The following CPNE8 variants were observed in gnomAD, a reference collection of about 807,000 sequenced individuals.
CPNE8 encodes copine-8.
Under a neutral mutation model 81.5 loss-of-function variants are expected in CPNE8, and 45 were observed. The ratio of observed to expected loss-of-function variants is 0.55; its 90% CI spans 0.44 to 0.71. The LOEUF (loss-of-function observed/expected upper bound fraction) is 0.71, where lower values mean the gene tolerates loss of function less well. CPNE8 is among the 30% of genes least tolerant of loss of function. The pLI, the probability that CPNE8 is intolerant of heterozygous loss-of-function variation, is 0.00. For missense variants in CPNE8, 594 were observed against 672.1 expected (o/e 0.88, Z 1.28); for synonymous variants, 252 against 226.3 (o/e 1.11, Z -1.02).
chr12:38,778,104 T>G lies in CPNE8; in HGVS notation c.408-1803A>C, dbSNP rs1028537393. On this transcript the variant is annotated intron_variant, in intron 6 of 19. Coordinates refer to ENST00000331366, the MANE Select transcript of CPNE8 (RefSeq NM_153634.3). Reference sequence around the variant, plus strand: ...ACATGACATTGAGTTGTATAATTATTTCATTATAATATAATAATAATAGAA... The same window carrying G: ...ACATGACATTGAGTTGTATAATTATGTCATTATAATATAATAATAATAGAA... 3.9e-5 allele frequency among the ~76,000 whole-genome samples: 6 copies of G among 152,172 alleles called. No homozygotes were observed. In the South Asian group the frequency reaches 1.2e-3, roughly 32 times the overall value.
intron 7 of CPNE8, among the ~76,000 whole-genome samples, chr12:38,775,975 TAA>T (rs35911911): frequency 6.6e-6 from 1 of 152,194 alleles, no homozygotes; most frequent in Non-Finnish European, 1.5e-5. Flanking sequence ...TACTAATGCT[TAA>T]AAAGCAGTAT....
chr12:38,860,222 T>C (rs190684503), intron 3 of CPNE8, among the ~76,000 whole-genome samples: 3 of 149,690 alleles, frequency 2.0e-5, no homozygotes, highest in African/African-American at 7.3e-5. Context: ...TAACTGAATT[T>C]AAAAATAGGC....
intron 7 of CPNE8, among the ~76,000 whole-genome samples, chr12:38,773,460 A>G (rs1006495772): frequency 2.0e-5 from 3 of 152,090 alleles, no homozygotes; most frequent in Non-Finnish European, 4.4e-5. Flanking sequence ...AAATATGTCC[A>G]GTTATTTGTA....
At chr12:38,881,574 A>T (rs1001144409) in intron 1 of CPNE8, among the ~76,000 whole-genome samples, 1 of 152,248 alleles carries the variant, frequency 6.6e-6, no homozygotes, top group African/African-American at 2.4e-5. Context: ...AAGGCCAGTT[A>T]TAAAATTATA....
At chr12:38,659,643 G>C (rs1038220102) in intron 19 of CPNE8, among the ~76,000 whole-genome samples, 3 of 152,148 alleles carry the variant, frequency 2.0e-5, no homozygotes, top group Admixed American at 1.3e-4. Flanking sequence ...CCACAGAGTT[G>C]GAAGTAAAGC....
chr12:38,890,080 A>ATT (rs1944291535), intron 1 of CPNE8, among the ~76,000 whole-genome samples: 1 of 152,218 alleles, frequency 6.6e-6, no homozygotes, highest in South Asian at 2.1e-4. Context: ...AGCATTTTAT[A>ATT]TATGTGCTGG....
At chr12:38,704,203 C>A (rs1940027250) in intron 13 of CPNE8, among the ~76,000 whole-genome samples, 1 of 152,116 alleles carries the variant, frequency 6.6e-6, no homozygotes, top group East Asian at 1.9e-4. Context: ...ACCTCAGCAT[C>A]ACACAATATA....
chr12:38,710,368 G>A (rs898258388), intron 13 of CPNE8, among the ~76,000 whole-genome samples: 3 of 150,308 alleles, frequency 2.0e-5, no homozygotes, highest in African/African-American at 7.3e-5. Context: ...GGTAATGCCT[G>A]CCTAGTAGGA....
chr12:38,771,034 G>GT (rs550849826), intron 7 of CPNE8, among the ~76,000 whole-genome samples: 5 of 151,904 alleles, frequency 3.3e-5, no homozygotes, highest in Admixed American at 6.6e-5. Context: ...GTTTTGTACT[G>GT]TTTTTTTCTT....
intron 13 of CPNE8, among the ~76,000 whole-genome samples, chr12:38,707,530 C>A (rs897460876): frequency 1.8e-4 from 27 of 151,818 alleles, no homozygotes; most frequent in Non-Finnish European, 2.9e-4. Context: ...CTGTTGAAAC[C>A]CAGGACACTC....
At chr12:38,767,130 T>C (rs1941706983) in intron 8 of CPNE8, among the ~76,000 whole-genome samples, 1 of 152,114 alleles carries the variant, frequency 6.6e-6, no homozygotes, top group African/African-American at 2.4e-5. Flanking sequence ...TATTAAATTA[T>C]GGTCTATAAC....
chr12:38,727,375 T>C (rs1022338458), intron 11 of CPNE8, among the ~76,000 whole-genome samples: 1 of 152,174 alleles, frequency 6.6e-6, no homozygotes, highest in Admixed American at 6.5e-5. Context: ...GTGTTTCAGG[T>C]AATGAATATG....
At chr12:38,785,912 T>C (rs763112427) in intron 6 of CPNE8, among the ~76,000 whole-genome samples, 2 of 149,414 alleles carry the variant, frequency 1.3e-5, no homozygotes, top group Non-Finnish European at 3.0e-5. Context: ...ATACAAGAGA[T>C]ACAAAAAATA....
At chr12:38,905,617 A>G (rs894485409), upstream of CPNE8, 5 of 1,520,742 alleles carry the variant, frequency 3.3e-6, no homozygotes, top group African/African-American at 2.8e-5. Context: ...TCAGGCGGGG[A>G]TGGGGGTTGA....
rs923550629 is a variant in CPNE8 at position 38,652,415 on chromosome 12, T to C, written c.*1467A>G. 6.6e-6 allele frequency: 1 copy of C among 152,614 alleles called. No individual in the cohort carries two copies. Among genetic ancestry groups the C allele is most frequent in the African/African-American group, 2.4e-5 (1 of 41,468 alleles). 9.5% of individuals were successfully genotyped at this position (152,614 alleles called of 1,614,324 possible). Reference sequence around the variant, plus strand: ...AATCAACAATTATTACATAGTTATATAACATTGATACTGTTAGATATGTGG... The same window carrying C: ...AATCAACAATTATTACATAGTTATACAACATTGATACTGTTAGATATGTGG... On this transcript the variant is annotated 3_prime_UTR_variant, in exon 20 of 20. Coordinates refer to ENST00000331366, the MANE Select transcript of CPNE8 (RefSeq NM_153634.3).
chr12:38,778,006 T>C (rs188832473), intron 6 of CPNE8, among the ~76,000 whole-genome samples: 3 of 152,192 alleles, frequency 2.0e-5, no homozygotes, highest in South Asian at 2.1e-4. Flanking sequence ...TGATGATCTG[T>C]CATGGTCTCC....
chr12:38,759,197 A>G (rs1416565928), intron 10 of CPNE8, among the ~76,000 whole-genome samples: 1 of 152,204 alleles, frequency 6.6e-6, no homozygotes, highest in Admixed American at 6.5e-5. Flanking sequence ...GTGTTTTGCA[A>G]AATTAAAGGA....
chr12:38,658,298 C>T (rs757425939), intron 19 of CPNE8, among the ~76,000 whole-genome samples: 8 of 151,926 alleles, frequency 5.3e-5, no homozygotes, highest in East Asian at 3.9e-4. Context: ...GAAAGGATAT[C>T]AGTGATTGAA....
upstream of CPNE8, chr12:38,906,114 G>T: frequency 2.0e-6 from 2 of 986,054 alleles, no homozygotes; most frequent in Non-Finnish European, 2.4e-6. Context: ...CCCGTTATAA[G>T]GTCCCCCTCC....
Sources: gnomAD v4.1 joint callset for allele counts (sites outside exome capture counted in the v4.1 genomes callset) on GRCh38, gnomAD v4.1.1 for gene constraint, MANE v1.5 for transcripts, NCBI Gene and HGNC (gene_info 2026-07-23, HGNC 2026-07-21) for gene names.